The following ASH1L variants were observed in gnomAD, a reference collection of about 807,000 sequenced individuals.
ASH1L encodes the protein histone-lysine N-methyltransferase ASH1L.
ASH1L carries 23 observed loss-of-function variants against 269.0 expected under a neutral mutation model. The observed-to-expected ratio is 0.09, with a 90% CI of 0.06 to 0.12. The LOEUF is 0.12. Ranked by LOEUF, ASH1L falls within the 10% of genes least tolerant of loss-of-function variation. The probability of loss-of-function intolerance (pLI) is 1.00; values close to 1 mark genes in which losing one functional copy is unlikely to be tolerated. For missense variants in ASH1L, 2,912 were observed against 3,567.8 expected (o/e 0.82, Z 4.68); for synonymous variants, 1,187 against 1,253.5 (o/e 0.95, Z 1.12).
At position 155,482,134 on chromosome 1, in the gene ASH1L, C is replaced by G. The variant is rs1202288807; in HGVS notation, c.736G>C (p.Ala246Pro). 3.7e-6 allele frequency: 6 copies of G among 1,614,110 alleles called. No homozygotes were observed. The highest frequency in any genetic ancestry group is 5.1e-6 in the Non-Finnish European group (6 of 1,180,036). Residue 246 changes from alanine to proline, a missense_variant, in exon 3 of 28, where the codon GCA becomes CCA. Around this residue, in one of 13 missense-constraint regions of ASH1L, gnomAD observed 277 missense variants for 367.7 expected, o/e 0.75. Transcript: ENST00000392403. ...ATCAAATCCTTGCTAACCAATCCTG[C>G]TGTAGTGCCAGTTCCTAACTTCTTC... Reference protein sequence around the residue: ...KPKKLGTGTTAGLVSKDLIRK... With the variant: ...KPKKLGTGTTPGLVSKDLIRK...
In ASH1L at chr1:155,521,352, T is replaced by C. The variant is rs1183193121; in HGVS notation, c.168A>G (p.Arg56=). 9 of 1,614,102 alleles carry C rather than the reference T, an allele frequency of 5.6e-6. No individual in the cohort carries two copies. The East Asian group carries it at 1.8e-4, about 32-fold the overall frequency. The change falls in exon 2 of 28, where the codon AGA becomes AGG. Residue 56 remains arginine, a synonymous_variant. Coordinates refer to ENST00000392403, the MANE Select transcript of ASH1L (RefSeq NM_018489.3). The part of the protein sequence containing the change: ...EEDLRKRNRE[R]NIEAGKDDGL... ...CATCATCTTTCCCAGCTTCGATGTT[T>C]CTTTCTCGATTCCGTTTGCGAAGGT... is the stretch of plus-strand genomic sequence containing the variant.
intron 4 of ASH1L, among the ~76,000 whole-genome samples, chr1:155,457,099 T>C (rs1270424463): frequency 1.3e-5 from 2 of 152,032 alleles, no homozygotes; most frequent in Non-Finnish European, 2.9e-5. Context: ...CAACATGGAG[T>C]GGACTCTTGA....
At position 155,438,428 on chromosome 1, in the gene ASH1L, T is replaced by C; in HGVS notation, c.5727A>G (p.Glu1909=). ...CTTTTCTCTTCAACCCCTTTTTATG[T>C]TCTGGGTTCAGATTTACACTCTGAA... The part of the protein sequence containing the change: ...AVVQSVNLNP[E]HKKGLKRKGW... The change falls in exon 5 of 28, where the codon GAA becomes GAG. Residue 1909 remains glutamate (E), a synonymous_variant. Transcript: ENST00000392403. 1 of 1,613,778 alleles carries C rather than the reference T, an allele frequency of 6.2e-7. No individual in the cohort carries two copies.
chr1:155,554,209 C>A (rs1261918106), intron 1 of ASH1L, among the ~76,000 whole-genome samples: 1 of 152,008 alleles, frequency 6.6e-6, no homozygotes, highest in African/African-American at 2.4e-5. Flanking sequence ...CTCAGCCTCC[C>A]AAGTAGCTGG....
intron 26 of ASH1L, among the ~76,000 whole-genome samples, chr1:155,338,980 CTG>C (rs1427368088): frequency 6.6e-6 from 1 of 152,148 alleles, no homozygotes; most frequent in Non-Finnish European, 1.5e-5. Context: ...TCAGTGAAAA[CTG>C]TACTGGCTAC....
intron 2 of ASH1L, among the ~76,000 whole-genome samples, chr1:155,512,553 G>A (rs1387725817): frequency 7.1e-6 from 1 of 140,766 alleles, no homozygotes; most frequent in Non-Finnish European, 1.5e-5. Context: ...CTGGGTTCAA[G>A]AGCTTCTCTT....
At chr1:155,381,544 C>T (rs1370900403) in intron 7 of ASH1L, among the ~76,000 whole-genome samples, 5 of 148,668 alleles carry the variant, frequency 3.4e-5, no homozygotes, top group Admixed American at 6.8e-5. Flanking sequence ...TGCGAGACTC[C>T]GTCTCAAAAA....
chr1:155,345,908 T>C (rs1653265431), intron 21 of ASH1L: 2 of 319,884 alleles, frequency 6.3e-6, no homozygotes, highest in Non-Finnish European at 1.2e-5. Context: ...CTTGGCTTAC[T>C]GCAACATCTG....
chr1:155,494,673 G>A (rs1399612529), intron 2 of ASH1L, among the ~76,000 whole-genome samples: 2 of 152,116 alleles, frequency 1.3e-5, no homozygotes, highest in African/African-American at 4.8e-5. Context: ...CTCACTTAGA[G>A]GAAGACTGAA....
chr1:155,480,449 G>T lies in ASH1L; in HGVS notation c.2421C>A (p.His807Gln), dbSNP rs764439561. Reference sequence around the variant, plus strand: ...AGACACACATACTGGAGGATAGTTTGTGAGTAGCAAAAGACTTATGAGATG... The same window carrying T: ...AGACACACATACTGGAGGATAGTTTTTGAGTAGCAAAAGACTTATGAGATG... ...EKPSHKSFATHKLSSSMCVSS... is the reference protein window; with the variant it reads ...EKPSHKSFATQKLSSSMCVSS... The change falls in exon 3 of 28, where the codon CAC becomes CAA. Residue 807 changes from histidine (H) to glutamine (Q), a missense_variant. Physicochemically the swap from His to Gln is conservative, Grantham distance 24 (BLOSUM62 0). Coordinates refer to ENST00000392403, the MANE Select transcript of ASH1L (RefSeq NM_018489.3). 6.2e-7 allele frequency: 1 copy of T among 1,614,126 alleles called. No individual in the cohort carries two copies. Among genetic ancestry groups the T allele is most frequent in the Non-Finnish European group, 8.5e-7 (1 of 1,179,968 alleles).
intron 2 of ASH1L, among the ~76,000 whole-genome samples, chr1:155,500,903 G>A (rs1050686009): frequency 3.3e-5 from 5 of 152,118 alleles, no homozygotes; most frequent in African/African-American, 1.2e-4. Flanking sequence ...GGGAGGCAGA[G>A]GTTGCAATGA....
At chr1:155,427,999 TA>T (rs1203253297) in intron 5 of ASH1L, among the ~76,000 whole-genome samples, 1 of 152,182 alleles carries the variant, frequency 6.6e-6, no homozygotes, top group Admixed American at 6.6e-5. Flanking sequence ...CCCATGACTG[TA>T]AGTTTCCTGA....
rs1232479128 is a variant in ASH1L, at chr1:155,346,561, G to C, written c.7804-92C>G. On this transcript the variant is annotated intron_variant, in intron 20 of 27. Coordinates refer to ENST00000392403, the MANE Select transcript of ASH1L (RefSeq NM_018489.3). The stretch of plus-strand genomic sequence containing the variant: ...AGAATAAAAAATTAGCAATAGGTCA[G>C]GGTAAAGTAAAAGAGGAACTAAGGG... The C allele has an allele frequency of 3.9e-6, 4 of 1,016,580 alleles. No homozygotes were observed. In the Admixed American group the frequency reaches 8.4e-5, roughly 21 times the overall value. The allele number at this position is 1,016,580 out of a possible 1,614,324, so 63.0% of individuals were successfully genotyped here.
intron 1 of ASH1L, among the ~76,000 whole-genome samples, chr1:155,547,844 G>T (rs560482954): frequency 6.6e-6 from 1 of 152,218 alleles, no homozygotes; most frequent in South Asian, 2.1e-4. Context: ...ATGGTGGCAG[G>T]CGCCTGTAGT....
chr1:155,543,515 A>G (rs953066784), intron 1 of ASH1L, among the ~76,000 whole-genome samples: 1 of 151,722 alleles, frequency 6.6e-6, no homozygotes, highest in Admixed American at 6.6e-5. Flanking sequence ...GTCTCAAAAA[A>G]AAAAAAAAAA....
At chr1:155,380,378 A>G (rs962671922) in intron 7 of ASH1L, among the ~76,000 whole-genome samples, 22 of 152,204 alleles carry the variant, frequency 1.4e-4, no homozygotes, top group African/African-American at 5.3e-4. Context: ...CACACAGGTC[A>G]TTATGAAGCT....
chr1:155,388,092 T>C (rs1333968598), intron 7 of ASH1L, among the ~76,000 whole-genome samples: 2 of 152,098 alleles, frequency 1.3e-5, no homozygotes, highest in African/African-American at 4.8e-5. Context: ...GGTGTGAAAG[T>C]TGATTAGACA....
At chr1:155,454,851 C>T (rs1240746813) in intron 4 of ASH1L, among the ~76,000 whole-genome samples, 1 of 152,150 alleles carries the variant, frequency 6.6e-6, no homozygotes, top group Non-Finnish European at 1.5e-5. Flanking sequence ...TTGATCTTAA[C>T]ATAAGTTCCT....
At chr1:155,379,946 G>T in intron 8 of ASH1L, 97 bp downstream of exon 8, 2 of 890,012 alleles carry the variant, frequency 2.2e-6, no homozygotes, top group Non-Finnish European at 3.6e-6. Context: ...AACCTCCTAA[G>T]ATGAAAACAT....
Sources: gnomAD v4.1 joint callset for allele counts (sites outside exome capture counted in the v4.1 genomes callset) on GRCh38, gnomAD v4.1.1 for gene constraint, gnomAD v4.1.1 regional missense constraint, MANE v1.5 for transcripts, NCBI Gene and HGNC (gene_info 2026-07-23, HGNC 2026-07-21) for gene names.